DSCAML1: variants seen among roughly 807,000 people sequenced by gnomAD.
DSCAML1 encodes cell adhesion molecule DSCAML1.
Under a neutral mutation model 200.5 loss-of-function variants are expected in DSCAML1, and 38 were observed. The ratio of observed to expected loss-of-function variants is 0.19; its 90% CI spans 0.15 to 0.25. DSCAML1 has a LOEUF of 0.25. Among genes scored for constraint, DSCAML1 ranks in the 10% least tolerant of loss-of-function variants. The pLI, the probability that DSCAML1 is intolerant of heterozygous loss-of-function variation, is 1.00. For missense variants in DSCAML1, 2,223 were observed against 2,858.8 expected (o/e 0.78, Z 5.07); for synonymous variants, 1,215 against 1,165.0 (o/e 1.04, Z -0.87).
intron 1 of DSCAML1, among the ~76,000 whole-genome samples, chr11:117,784,381 G>A (rs1169301027): frequency 2.0e-5 from 3 of 152,124 alleles, no homozygotes; most frequent in Admixed American, 2.0e-4. Flanking sequence ...GCCTGCCAAG[G>A]GAGTAAGCAA....
At chr11:117,726,983 ATAAT>A (rs2054143608) in intron 3 of DSCAML1, among the ~76,000 whole-genome samples, 1 of 152,078 alleles carries the variant, frequency 6.6e-6, no homozygotes, top group African/African-American at 2.4e-5. Flanking sequence ...GCTCCTATGA[ATAAT>A]GGTGACAGCT....
chr11:117,518,598 T>A lies in DSCAML1; in HGVS notation c.1378A>T (p.Thr460Ser). The A allele has an allele frequency of 6.2e-7, 1 of 1,613,948 alleles. No individual in the cohort carries two copies. Among genetic ancestry groups the A allele is most frequent in the Non-Finnish European group, 8.5e-7 (1 of 1,179,970 alleles). ...RDGSHRTNQY[T>S]MSDGTTISHM... ...CTGATGGTGGTGCCGTCCGACATGG[T>A]GTACTGGTTGGTGCGGTGGCTGCCA... Residue 460 changes from threonine to serine, a missense_variant, in exon 7 of 33, where the codon ACC becomes TCC. Thr to Ser is a moderately conservative substitution (Grantham distance 58, BLOSUM62 1). This residue lies in a region of DSCAML1 where 579 missense variants were observed against 721.5 expected (regional missense o/e 0.80). Coordinates refer to ENST00000651296, the MANE Select transcript of DSCAML1 (RefSeq NM_020693.4). This position sits in a 1 kb window ranked among gnomAD's most constrained non-coding sequence, Gnocchi z 6.3.
At chr11:117,591,214 G>T (rs1316133185) in intron 3 of DSCAML1, among the ~76,000 whole-genome samples, 1 of 152,146 alleles carries the variant, frequency 6.6e-6, no homozygotes, top group Non-Finnish European at 1.5e-5. Context: ...GGTGAGGGGG[G>T]TAATATGGGG....
At chr11:117,664,112 G>A (rs1638396829) in intron 3 of DSCAML1, among the ~76,000 whole-genome samples, 1 of 152,240 alleles carries the variant, frequency 6.6e-6, no homozygotes, top group Admixed American at 6.5e-5. Context: ...GATGCTGGGA[G>A]AGGAGGCCAG....
intron 3 of DSCAML1, among the ~76,000 whole-genome samples, chr11:117,705,334 A>T (rs186974307): frequency 2.6e-4 from 40 of 152,258 alleles, no homozygotes; most frequent in Non-Finnish European, 4.0e-4. Context: ...TCTAAGCATG[A>T]ATGTTGTTTT....
At chr11:117,710,850 G>A (rs973620312) in intron 3 of DSCAML1, among the ~76,000 whole-genome samples, 4 of 152,104 alleles carry the variant, frequency 2.6e-5, no homozygotes. Flanking sequence ...ATCTAACTGG[G>A]GAGACAGAAC....
At chr11:117,535,848 G>A (rs943095568) in intron 3 of DSCAML1, among the ~76,000 whole-genome samples, 4 of 138,320 alleles carry the variant, frequency 2.9e-5, no homozygotes, top group Non-Finnish European at 4.6e-5. Context: ...TGCATCTCCC[G>A]GCACCTCAAG....
chr11:117,452,139 G>A (rs1014620740), intron 19 of DSCAML1, among the ~76,000 whole-genome samples: 1 of 152,186 alleles, frequency 6.6e-6, no homozygotes, highest in Non-Finnish European at 1.5e-5. Flanking sequence ...ACTGGGGTAA[G>A]TGCACTAATT....
At chr11:117,472,886 C>G (rs1245338747) in intron 14 of DSCAML1, among the ~76,000 whole-genome samples, 3 of 152,108 alleles carry the variant, frequency 2.0e-5, no homozygotes, top group Admixed American at 2.0e-4. Flanking sequence ...GAAGGAGTTG[C>G]AATTAAAAAT....
intron 8 of DSCAML1, among the ~76,000 whole-genome samples, chr11:117,511,029 T>C (rs1404765161): frequency 6.6e-6 from 1 of 152,148 alleles, no homozygotes; most frequent in Non-Finnish European, 1.5e-5. Flanking sequence ...GGTGGCTGAC[T>C]CTCCCTTAAG....
intron 3 of DSCAML1, among the ~76,000 whole-genome samples, chr11:117,736,091 A>G (rs1591454499): frequency 6.6e-6 from 1 of 152,308 alleles, no homozygotes; most frequent in East Asian, 1.9e-4. Context: ...CCCAAGACTC[A>G]GCAGCTTAAA....
chr11:117,655,319 T>C (rs1402902281), intron 3 of DSCAML1, among the ~76,000 whole-genome samples: 6 of 152,210 alleles, frequency 3.9e-5, no homozygotes, highest in Non-Finnish European at 5.9e-5. Flanking sequence ...ATAATGACAA[T>C]GGTCATCACA....
At chr11:117,483,896 C>T (rs2048981747) in intron 11 of DSCAML1, among the ~76,000 whole-genome samples, 1 of 151,896 alleles carries the variant, frequency 6.6e-6, no homozygotes, top group Non-Finnish European at 1.5e-5. Context: ...ACCCCCCACC[C>T]CCATTCAGGG....
intron 3 of DSCAML1, among the ~76,000 whole-genome samples, chr11:117,769,930 A>G (rs2055007058): frequency 6.6e-6 from 1 of 152,120 alleles, no homozygotes; most frequent in African/African-American, 2.4e-5. Flanking sequence ...TAAATGGCCC[A>G]GTGACCTCTC....
chr11:117,558,683 C>T (rs1012304016), intron 3 of DSCAML1, among the ~76,000 whole-genome samples: 3 of 152,272 alleles, frequency 2.0e-5, no homozygotes, highest in Non-Finnish European at 2.9e-5. Context: ...CTGGGAGCAT[C>T]GGCAGACTCG....
intron 3 of DSCAML1, among the ~76,000 whole-genome samples, chr11:117,543,243 G>A (rs2050304121): frequency 6.6e-6 from 1 of 152,238 alleles, no homozygotes; most frequent in Admixed American, 6.5e-5. Context: ...AGTGGGAAGT[G>A]TGATCTTGGG....
intron 3 of DSCAML1, among the ~76,000 whole-genome samples, chr11:117,667,393 CAG>C (rs2053001239): frequency 6.6e-6 from 1 of 152,198 alleles, no homozygotes; most frequent in Non-Finnish European, 1.5e-5. Context: ...GCCTGGGTGA[CAG>C]AGACTCCGTC....
intron 3 of DSCAML1, among the ~76,000 whole-genome samples, chr11:117,719,498 C>G (rs763205768): frequency 1.3e-5 from 2 of 152,156 alleles, no homozygotes; most frequent in Non-Finnish European, 2.9e-5. Flanking sequence ...GGTACGTTGA[C>G]CAAGATCACA....
In DSCAML1 at chr11:117,516,164, G is replaced by C. The variant is rs1373468243; in HGVS notation, c.1783+303C>G. 1.3e-5 allele frequency among the ~76,000 whole-genome samples: 2 copies of C among 152,128 alleles called. No individual in the cohort carries two copies. The highest frequency in any genetic ancestry group is 2.9e-5 in the Non-Finnish European group (2 of 68,028). On this transcript the variant is annotated intron_variant, in intron 8 of 32. Transcript: ENST00000651296. The surrounding 1 kb of genome is among the most constrained non-coding windows in gnomAD (Gnocchi z 5.7). Reference sequence around the variant, plus strand: ...CCCCATGCAGCCCATCTCTGACCTGGCCTCTCTCCCAGAAGGCAGCCTGCC... The same window carrying C: ...CCCCATGCAGCCCATCTCTGACCTGCCCTCTCTCCCAGAAGGCAGCCTGCC...
Sources: gnomAD v4.1 joint callset for allele counts (sites outside exome capture counted in the v4.1 genomes callset) on GRCh38, gnomAD v4.1.1 for gene constraint, gnomAD v4.1.1 regional missense constraint, Gnocchi (gnomAD v3.1) non-coding constraint, MANE v1.5 for transcripts, NCBI Gene and HGNC (gene_info 2026-07-23, HGNC 2026-07-21) for gene names.